FKBP14: variants seen among roughly 807,000 people sequenced by gnomAD.
The protein encoded by FKBP14 is FKBP prolyl isomerase 14.
FKBP14 carries 20 observed loss-of-function variants against 21.6 expected under a neutral mutation model. That is an observed-to-expected ratio of 0.92 (90% confidence interval 0.65 to 1.34). FKBP14 has a LOEUF of 1.34. FKBP14 is among the 40% of genes most tolerant of loss of function. The pLI, the probability that FKBP14 is intolerant of heterozygous loss-of-function variation, is 0.00. For missense variants in FKBP14, 253 were observed against 249.0 expected, an observed-to-expected ratio of 1.02 and a Z score of -0.11; for synonymous variants, 79 against 86.7, an observed-to-expected ratio of 0.91 and a Z score of 0.49.
Position 30,013,066 on chromosome 7 carries a change from GAAGAT to G in FKBP14, c.*1664_*1668del, listed in dbSNP as rs1209586293. 2 of 152,012 alleles carry G rather than the reference GAAGAT, an allele frequency of 1.3e-5. No homozygotes were observed. Among genetic ancestry groups the G allele is most frequent in the African/African-American group, 4.8e-5 (2 of 41,366 alleles). 9.4% of individuals were successfully genotyped at this position (152,012 alleles called of 1,614,324 possible). A position where few individuals can be genotyped will look rare whatever the true frequency, so the allele number is the denominator to read the frequency against. The stretch of plus-strand genomic sequence containing the variant: ...TTTATGACTCAGAGCCATGAAAAGC[GAAGAT>G]AATAATGCACTTAATATCATTTTGT... On this transcript the variant is annotated 3_prime_UTR_variant, in exon 4 of 4. Transcript: ENST00000222803.
chr7:30,023,860 C>A (rs112231020), intron 1 of FKBP14, among the ~76,000 whole-genome samples: 21,156 of 152,116 alleles, frequency 0.14, 1,491 homozygotes, highest in Middle Eastern at 0.19. Flanking sequence ...GATTCGATTA[C>A]CTCCCACCAG....
In FKBP14 at chr7:30,013,824, A is replaced by C. The variant is rs1239298054; in HGVS notation, c.*911T>G. The C allele has an allele frequency of 6.6e-6, 1 of 152,198 alleles. No homozygotes were observed. The highest frequency in any genetic ancestry group is 1.5e-5 in the Non-Finnish European group (1 of 68,034). 9.4% of individuals were successfully genotyped at this position (152,198 alleles called of 1,614,324 possible). On this transcript the variant is annotated 3_prime_UTR_variant, in exon 4 of 4. Transcript: ENST00000222803. The stretch of plus-strand genomic sequence containing the variant: ...CACCAATCACTAGGAGCCAAGCTTC[A>C]TCAGCTTAAGTCCTAGGTAGCATGT...
At chr7:30,009,066 A>C (rs771216645), downstream of FKBP14, among the ~76,000 whole-genome samples, 5 of 152,202 alleles carry the variant, frequency 3.3e-5, no homozygotes, top group Non-Finnish European at 5.9e-5. Context: ...TTGACATCTT[A>C]GATTTCAATT....
At chr7:30,009,975 G>A (rs1020559386), downstream of FKBP14, among the ~76,000 whole-genome samples, 3 of 152,012 alleles carry the variant, frequency 2.0e-5, no homozygotes, top group Non-Finnish European at 4.4e-5. Context: ...CTCCAGCCTG[G>A]CAACAAGAGC....
intron 1 of FKBP14, among the ~76,000 whole-genome samples, chr7:30,023,953 T>G (rs1225701721): frequency 6.6e-6 from 1 of 152,058 alleles, no homozygotes; most frequent in Non-Finnish European, 1.5e-5. Flanking sequence ...CCCTATCAAC[T>G]GGGGACGAGG....
intron 2 of FKBP14, among the ~76,000 whole-genome samples, chr7:30,020,018 C>G (rs541548980): frequency 1.6e-4 from 24 of 152,198 alleles, no homozygotes; most frequent in South Asian, 1.0e-3. Context: ...AACAAACAAA[C>G]AAACAAACAC....
rs1443242993 is a variant in FKBP14 at position 30,010,698 on chromosome 7, T to A, written c.*4037A>T. Reference sequence around the variant, plus strand: ...CAAATTATATAGTCATGTAACCATGTTTCGGTCAATGTACAATATATATAT... The same window carrying A: ...CAAATTATATAGTCATGTAACCATGATTCGGTCAATGTACAATATATATAT... On this transcript the variant is annotated 3_prime_UTR_variant, in exon 4 of 4. Transcript: ENST00000222803. The A allele has an allele frequency of 6.6e-6, 1 of 152,170 alleles. No individual in the cohort carries two copies. Among genetic ancestry groups the A allele is most frequent in the Non-Finnish European group, 1.5e-5 (1 of 68,034 alleles). The allele number at this position is 152,170 out of a possible 1,614,324, so 9.4% of individuals were successfully genotyped here. A position where few individuals can be genotyped will look rare whatever the true frequency, so the allele number is the denominator to read the frequency against.
chr7:30,014,970 G>C, intron 3 of FKBP14, 77 bp from the exon 4 acceptor site: 5 of 916,686 alleles, frequency 5.5e-6, no homozygotes, highest in Non-Finnish European at 7.9e-6. Context: ...CACAGACATG[G>C]ACTGTTATTA....
chr7:30,009,380 G>A (rs1209397322), downstream of FKBP14, among the ~76,000 whole-genome samples: 1 of 151,636 alleles, frequency 6.6e-6, no homozygotes, highest in East Asian at 2.0e-4. Context: ...TTACATGCGT[G>A]CACCACCATG....
At chr7:30,006,880 C>A (rs1196063290), downstream of FKBP14, among the ~76,000 whole-genome samples, 1 of 152,176 alleles carries the variant, frequency 6.6e-6, no homozygotes, top group Admixed American at 6.6e-5. Context: ...AGATCCTTGC[C>A]TCCCAAACCC....
intron 2 of FKBP14, among the ~76,000 whole-genome samples, chr7:30,022,192 C>T (rs564453715): frequency 9.8e-4 from 150 of 152,330 alleles, no homozygotes; most frequent in Middle Eastern, 3.4e-3. Context: ...CTATATTTCA[C>T]ATGTTCAACT....
chr7:30,018,136 G>C (rs1050678992), intron 3 of FKBP14, among the ~76,000 whole-genome samples: 8 of 152,146 alleles, frequency 5.3e-5, no homozygotes, highest in African/African-American at 1.7e-4. Context: ...GGAAGAAAAA[G>C]GCATGTGACT....
chr7:30,015,733 C>T (rs1344573573), intron 3 of FKBP14, among the ~76,000 whole-genome samples: 3 of 149,892 alleles, frequency 2.0e-5, no homozygotes, highest in Non-Finnish European at 3.0e-5. Context: ...TCACGCCATT[C>T]TCCTGCCTCA....
intron 3 of FKBP14, among the ~76,000 whole-genome samples, chr7:30,018,589 T>C (rs1358702703): frequency 6.6e-6 from 1 of 152,238 alleles, no homozygotes; most frequent in East Asian, 1.9e-4. Flanking sequence ...TAACAGCCAG[T>C]CTACAGTTTT....
At chr7:30,015,480 TG>T (rs1480772667) in intron 3 of FKBP14, among the ~76,000 whole-genome samples, 1 of 151,352 alleles carries the variant, frequency 6.6e-6, no homozygotes, top group Non-Finnish European at 1.5e-5. Flanking sequence ...ATATATATAT[TG>T]CTCAAAGGCA....
chr7:30,014,624 T>C lies in FKBP14; in HGVS notation c.*111A>G. On this transcript the variant is annotated 3_prime_UTR_variant, in exon 4 of 4. Coordinates refer to ENST00000222803, the MANE Select transcript of FKBP14 (RefSeq NM_017946.4). ...TTAAATAGGAGTCAGAAAAAATATA[T>C]AAAAATAAAAAACAAAGCAAGAAAG... 3 of 744,746 alleles carry C rather than the reference T, an allele frequency of 4.0e-6. No homozygotes were observed. The highest frequency in any genetic ancestry group is 5.6e-6 in the Non-Finnish European group (3 of 537,102). 46.1% of individuals were successfully genotyped at this position (744,746 alleles called of 1,614,324 possible).
At chr7:30,006,071 C>T (rs1168618601), downstream of FKBP14, among the ~76,000 whole-genome samples, 1 of 150,726 alleles carries the variant, frequency 6.6e-6, no homozygotes, top group Non-Finnish European at 1.5e-5. Context: ...ATACACACAC[C>T]ATATGTACAT....
At chr7:30,009,558 G>A (rs1789676672), downstream of FKBP14, among the ~76,000 whole-genome samples, 1 of 152,016 alleles carries the variant, frequency 6.6e-6, no homozygotes, top group Non-Finnish European at 1.5e-5. Context: ...TAATAAAAAG[G>A]TAAGAGAATA....
rs1790181243 is a variant in FKBP14, at chr7:30,026,495, A to G, written c.14T>C (p.Leu5Ser). Residue 5 changes from leucine (L) to serine (S), a missense_variant, in exon 1 of 4, where the codon TTG (leucine) becomes TCG (serine). Transcript: ENST00000222803. Reference protein sequence around the residue: MRLFLWNAVLTLFVT... With the variant: MRLFSWNAVLTLFVT... The stretch of plus-strand genomic sequence containing the variant: ...GAACAGAGTCAAGACCGCGTTCCAC[A>G]AGAAAAGCCTCATGTTGCTGAAGCA... 6.2e-7 allele frequency: 1 copy of G among 1,611,246 alleles called. No individual in the cohort carries two copies. Among genetic ancestry groups the G allele is most frequent in the Non-Finnish European group, 8.5e-7 (1 of 1,178,820 alleles).
Sources: gnomAD v4.1 joint callset for allele counts (sites outside exome capture counted in the v4.1 genomes callset) on GRCh38, gnomAD v4.1.1 for gene constraint, MANE v1.5 for transcripts, NCBI Gene and HGNC (gene_info 2026-07-23, HGNC 2026-07-21) for gene names.